Variants in SPATA6 observed in about 807,000 individuals in gnomAD.
SPATA6 encodes the protein spermatogenesis associated 6.
SPATA6 carries 56 observed loss-of-function variants against 65.3 expected under a neutral mutation model. That is an observed-to-expected ratio of 0.86 (90% confidence interval 0.69 to 1.07). The LOEUF (loss-of-function observed/expected upper bound fraction) is 1.07. Ranked by LOEUF, SPATA6 falls within the 50% of genes least tolerant of loss-of-function variation. The pLI, the probability that SPATA6 is intolerant of heterozygous loss-of-function variation, is 0.00. For synonymous variants in SPATA6, 199 were observed against 213.2 expected, an observed-to-expected ratio of 0.93 and a Z score of 0.58; for missense variants, 590 against 594.8, an observed-to-expected ratio of 0.99 and a Z score of 0.08.
chr1:48,287,775 A>C, the SPATA6 span, among the ~76,000 whole-genome samples: 1 of 152,206 alleles, frequency 6.6e-6, no homozygotes, highest in African/African-American at 2.4e-5. Flanking sequence ...TAAATTACCC[A>C]ATCTCAGGTA....
chr1:48,277,247 G>A, the SPATA6 span, among the ~76,000 whole-genome samples: 1 of 152,122 alleles, frequency 6.6e-6, no homozygotes, highest in African/African-American at 2.4e-5. Context: ...TCCAGCGTGA[G>A]CGATGCAGAA....
chr1:48,314,756 G>T (rs1645350672), intron 11 of SPATA6, among the ~76,000 whole-genome samples: 4 of 152,024 alleles, frequency 2.6e-5, no homozygotes, highest in African/African-American at 9.7e-5. Flanking sequence ...TCCAGGAGCT[G>T]GTTTTTTGAA....
At chr1:48,272,473 A>G in the SPATA6 span, among the ~76,000 whole-genome samples, 13 of 152,158 alleles carry the variant, frequency 8.5e-5, no homozygotes, top group African/African-American at 3.1e-4. Flanking sequence ...GCTTAGCAAG[A>G]TGCCATAAAA....
At chr1:48,318,340 T>G (rs184083217) in intron 11 of SPATA6, among the ~76,000 whole-genome samples, 136 of 152,238 alleles carry the variant, frequency 8.9e-4, no homozygotes, top group Admixed American at 2.0e-3. Flanking sequence ...TAAAAATATT[T>G]CTATTTGCAG....
intron 5 of SPATA6, 122 bp downstream of exon 5, chr1:48,411,342 A>T: frequency 8.8e-7 from 1 of 1,139,426 alleles, no homozygotes; most frequent in Non-Finnish European, 1.2e-6. Flanking sequence ...ACTACAAAAC[A>T]ATTAAGTAAA....
chr1:48,437,156 C>T, intron 3 of SPATA6: 2 of 1,605,922 alleles, frequency 1.2e-6, no homozygotes, highest in Non-Finnish European at 1.7e-6. Flanking sequence ...CCATTGCCTC[C>T]AGTGTTACCT....
At chr1:48,387,206 G>C (rs1385882418) in intron 8 of SPATA6, among the ~76,000 whole-genome samples, 1 of 152,160 alleles carries the variant, frequency 6.6e-6, no homozygotes, top group East Asian at 1.9e-4. Context: ...GCATGGGAAA[G>C]ACTTGCCCCC....
intron 11 of SPATA6, among the ~76,000 whole-genome samples, chr1:48,350,816 C>T (rs1326706202): frequency 6.6e-6 from 1 of 151,822 alleles, no homozygotes; most frequent in Non-Finnish European, 1.5e-5. Context: ...GTGAGTCCTC[C>T]AGCTTTGTTT....
the SPATA6 span, among the ~76,000 whole-genome samples, chr1:48,273,775 C>T: frequency 6.6e-6 from 1 of 152,118 alleles, no homozygotes; most frequent in African/African-American, 2.4e-5. Flanking sequence ...CAAGTGTTTG[C>T]TATTGTGAAC....
chr1:48,308,046 T>C (rs2148659164), intron 11 of SPATA6, among the ~76,000 whole-genome samples: 1 of 152,108 alleles, frequency 6.6e-6, no homozygotes, highest in East Asian at 1.9e-4. Context: ...TCCAAAATTC[T>C]ACCTCCTAAT....
chr1:48,305,846 C>T lies in SPATA6; in HGVS notation c.1227G>A (p.Leu409=), dbSNP rs1570007630. ...DERDLEKDDE[L]ELKRSLLCRD... ...TACATAAAAGACTTCTTTTCAGTTCCAGTTCATCATCTTTCTCTAGGTCTC... is the reference window on the plus strand; with the variant it reads ...TACATAAAAGACTTCTTTTCAGTTCTAGTTCATCATCTTTCTCTAGGTCTC... The change falls in exon 12 of 13, where the codon CTG becomes CTA. Residue 409 remains leucine (L), a synonymous_variant. Transcript: ENST00000371847. 1 of 1,612,098 alleles carries T rather than the reference C, an allele frequency of 6.2e-7. No homozygotes were observed. Among genetic ancestry groups the T allele is most frequent in the Non-Finnish European group, 8.5e-7 (1 of 1,178,824 alleles).
Position 48,453,030 on chromosome 1 carries a change from A to G in SPATA6, c.153T>C (p.Phe51=). 1.2e-6 allele frequency: 2 copies of G among 1,613,558 alleles called. No individual in the cohort carries two copies. The highest frequency in any genetic ancestry group is 1.7e-6 in the Non-Finnish European group (2 of 1,179,748). Reference sequence around the variant, plus strand: ...CCATTCTGGCATTGAAGACCAGGGGAAAAGTGGCTGGGACACATTGTGTCT... The same window carrying G: ...CCATTCTGGCATTGAAGACCAGGGGGAAAGTGGCTGGGACACATTGTGTCT... The part of the protein sequence containing the change: ...YKKTQCVPAT[F]PLVFNARMVF... Residue 51 remains phenylalanine, a synonymous_variant, in exon 2 of 13, where the codon TTT becomes TTC. Coordinates refer to ENST00000371847, the MANE Select transcript of SPATA6 (RefSeq NM_019073.4).
chr1:48,310,345 C>A (rs1217218230), intron 11 of SPATA6, among the ~76,000 whole-genome samples: 2 of 152,122 alleles, frequency 1.3e-5, no homozygotes, highest in Non-Finnish European at 2.9e-5. Flanking sequence ...CTAACAGTGC[C>A]TGCCAAAATT....
intron 9 of SPATA6, among the ~76,000 whole-genome samples, chr1:48,374,616 C>T (rs1037807048): frequency 6.6e-6 from 1 of 152,192 alleles, no homozygotes; most frequent in African/African-American, 2.4e-5. Context: ...CAACAGACTG[C>T]TCAATCATCA....
At chr1:48,396,381 T>C (rs1650587034) in intron 7 of SPATA6, among the ~76,000 whole-genome samples, 1 of 151,728 alleles carries the variant, frequency 6.6e-6, no homozygotes. Context: ...TTCATCTAGG[T>C]ATATACCCAA....
intron 3 of SPATA6, chr1:48,436,368 TA>T (rs2148080038): frequency 6.2e-7 from 1 of 1,612,126 alleles, no homozygotes; most frequent in East Asian, 2.2e-5. Context: ...GGCTTTGGGT[TA>T]TTTCTCCATT....
At chr1:48,337,608 G>A (rs1312809615) in intron 11 of SPATA6, among the ~76,000 whole-genome samples, 2 of 151,726 alleles carry the variant, frequency 1.3e-5, no homozygotes, top group African/African-American at 4.8e-5. Context: ...TTATACATTA[G>A]AACACTCAAA....
At chr1:48,278,640 C>A in the SPATA6 span, among the ~76,000 whole-genome samples, 1 of 152,014 alleles carries the variant, frequency 6.6e-6, no homozygotes, top group South Asian at 2.1e-4. Flanking sequence ...GGAAAAAGAA[C>A]AAAAAGAAAT....
chr1:48,294,319 C>T (rs993424332), downstream of SPATA6, among the ~76,000 whole-genome samples: 9 of 152,136 alleles, frequency 5.9e-5, no homozygotes, highest in Admixed American at 2.0e-4. Flanking sequence ...TCAGATGATC[C>T]GTCCACCTCG....
Sources: allele counts gnomAD v4.1 joint callset (sites outside exome capture counted in the v4.1 genomes callset), GRCh38; gene constraint gnomAD v4.1.1; transcripts MANE v1.5; gene names NCBI Gene and HGNC (gene_info 2026-07-23, HGNC 2026-07-21).